Variants in TRIM2 observed in about 807,000 individuals in gnomAD.
TRIM2 encodes tripartite motif containing 2.
TRIM2 carries 20 observed loss-of-function variants against 75.2 expected under a neutral mutation model. The ratio of observed to expected loss-of-function variants is 0.27; its 90% confidence interval spans 0.19 to 0.39. TRIM2 has a LOEUF of 0.39. Ranked by LOEUF, TRIM2 falls within the 10% of genes least tolerant of loss-of-function variation. The probability of loss-of-function intolerance (pLI) is 1.00; values close to 1 mark genes in which losing one functional copy is unlikely to be tolerated. For synonymous variants in TRIM2, 373 were observed against 388.3 expected (o/e 0.96, Z 0.46); for missense variants, 660 against 990.8 (o/e 0.67, Z 4.48).
chr4:153,258,697 A>G (rs1752675343), intron 1 of TRIM2, among the ~76,000 whole-genome samples: 1 of 152,246 alleles, frequency 6.6e-6, no homozygotes. Flanking sequence ...TCTGGCTTAG[A>G]TCATGTTACA....
chr4:153,329,827 ACTCTGT>A (rs1323327686), intron 11 of TRIM2, among the ~76,000 whole-genome samples: 1 of 151,262 alleles, frequency 6.6e-6, no homozygotes, highest in East Asian at 1.9e-4. Context: ...ACAGAAGGAG[ACTCTGT>A]CTCAAAAAAT....
rs1579603191 is a variant in TRIM2 at position 153,211,814 on chromosome 4, A to G, written c.30+7254A>G. 4.6e-5 allele frequency among the ~76,000 whole-genome samples: 7 copies of G among 152,076 alleles called. No homozygotes were observed. The South Asian group carries it at 1.5e-3, about 32-fold the overall frequency. On this transcript the variant is annotated intron_variant, in intron 1 of 11. Transcript: ENST00000338700. Reference sequence around the variant, plus strand: ...TACAAATTCTTATATGACAATTTGAATCTCTGCTTGGATTTGTTTTATCCT... The same window carrying G: ...TACAAATTCTTATATGACAATTTGAGTCTCTGCTTGGATTTGTTTTATCCT...
chr4:153,171,897 A>G (rs1054667852), intron 1 of TRIM2, among the ~76,000 whole-genome samples: 3 of 137,828 alleles, frequency 2.2e-5, no homozygotes, highest in Non-Finnish European at 4.5e-5. Context: ...TTTGATTCAC[A>G]TGTCACTATG....
At chr4:153,314,826 T>C (rs1021373171) in intron 6 of TRIM2, among the ~76,000 whole-genome samples, 2 of 152,206 alleles carry the variant, frequency 1.3e-5, no homozygotes, top group African/African-American at 2.4e-5. Flanking sequence ...GTTTGTCAAA[T>C]GTACTGAAAG....
rs575662534 is a variant in TRIM2, at chr4:153,173,952, G to T, written c.-49+20682G>T. ...TGCAGTCTATCCTGGGTGACAAAGT[G>T]AGACTGTCTCAAAATATAAGAATAA... On this transcript the variant is annotated intron_variant, in intron 1 of 11. Coordinates refer to the TRIM2 transcript ENST00000437508. Among the ~76,000 whole-genome samples the T allele has an allele frequency of 2.1e-3, 312 of 152,118 alleles. 16 individuals are homozygous for T. The South Asian group carries it at 0.063, about 31-fold the overall frequency.
rs370266099 is a variant in TRIM2 at position 153,244,343 on chromosome 4, T to C, written c.31-25992T>C. 1.4e-3 allele frequency among the ~76,000 whole-genome samples: 45 copies of C among 31,868 alleles called. 4 individuals are homozygous for C. The highest frequency in any genetic ancestry group is 5.7e-3 in the African/African-American group (21 of 3,662). 20.9% of individuals were successfully genotyped at this position (31,868 alleles called of 152,430 possible). On this transcript the variant is annotated intron_variant, in intron 1 of 11. Coordinates refer to ENST00000338700, the MANE Select transcript of TRIM2 (RefSeq NM_015271.5). ...CCTCTTCTTCTTCTTCTTCTTCTTC[T>C]TCTTCTTCTTCCTCTTCTTCTTCTT...
Position 153,334,967 on chromosome 4 carries a change from TGGTGGGCA to T in TRIM2, c.*7_*14del. 1.9e-6 allele frequency: 3 copies of T among 1,611,772 alleles called. No homozygotes were observed. The highest frequency in any genetic ancestry group is 1.7e-6 in the Non-Finnish European group (2 of 1,178,530). ...CAAAGTCTATCGATACTTACAGTAA[TGGTGGGCA>T]GGTGGATACCCGCTTCCATGGTCTT... On this transcript the variant is annotated 3_prime_UTR_variant, in exon 12 of 12. Transcript: ENST00000338700.
intron 2 of TRIM2, among the ~76,000 whole-genome samples, chr4:153,275,362 T>C (rs1757778305): frequency 6.6e-6 from 1 of 152,236 alleles, no homozygotes; most frequent in Non-Finnish European, 1.5e-5. Context: ...TTCAAGCAAA[T>C]ATTTCCACTT....
chr4:153,241,412 G>A (rs969315046), intron 1 of TRIM2, among the ~76,000 whole-genome samples: 2 of 152,204 alleles, frequency 1.3e-5, no homozygotes, highest in South Asian at 2.1e-4. Context: ...CCCCCTCCCC[G>A]ATGGAGGTCA....
chr4:153,265,128 T>C (rs568126529), intron 1 of TRIM2, among the ~76,000 whole-genome samples: 85 of 151,922 alleles, frequency 5.6e-4, no homozygotes, highest in South Asian at 2.1e-3. Context: ...TAAAACAAAT[T>C]TTTTTCTTGC....
chr4:153,219,340 T>C (rs11725859), intron 1 of TRIM2, among the ~76,000 whole-genome samples: 104,245 of 151,590 alleles, frequency 0.69, 36,751 homozygotes, highest in East Asian at 0.88. Context: ...TTCTGATCCC[T>C]CAAATAATAC....
chr4:153,166,503 CCCT>C (rs1730328685), intron 1 of TRIM2, among the ~76,000 whole-genome samples: 1 of 83,992 alleles, frequency 1.2e-5, no homozygotes, highest in Admixed American at 1.1e-4. Context: ...TTCCCTCCCT[CCCT>C]CTTTTCTTTT....
intron 6 of TRIM2, among the ~76,000 whole-genome samples, chr4:153,315,256 G>C (rs1340860359): frequency 6.6e-6 from 1 of 152,182 alleles, no homozygotes; most frequent in Admixed American, 6.5e-5. Flanking sequence ...ATTAATAAGA[G>C]AAGATTGACA....
intron 6 of TRIM2, among the ~76,000 whole-genome samples, chr4:153,310,569 T>C (rs919511947): frequency 1.3e-5 from 2 of 152,214 alleles, no homozygotes; most frequent in African/African-American, 4.8e-5. Flanking sequence ...TCTTCCCAAG[T>C]ATATGCTAGT....
At chr4:153,310,115 A>G (rs538704330) in intron 6 of TRIM2, 18 of 152,212 alleles carry the variant, frequency 1.2e-4, no homozygotes, top group Non-Finnish European at 2.5e-4. Context: ...CTAGACTTGC[A>G]TCTGGAAAAA....
At chr4:153,273,925 G>A (rs1419425139) in intron 2 of TRIM2, among the ~76,000 whole-genome samples, 1 of 152,226 alleles carries the variant, frequency 6.6e-6, no homozygotes. Context: ...AGGTGCTATA[G>A]TGGGAGGTTG....
intron 2 of TRIM2, among the ~76,000 whole-genome samples, chr4:153,274,102 G>A (rs1197862138): frequency 6.6e-6 from 1 of 152,172 alleles, no homozygotes; most frequent in African/African-American, 2.4e-5. Context: ...ATGGATTTTT[G>A]TCTTTGTTGT....
chr4:153,302,532 G>A (rs910574091), intron 6 of TRIM2, among the ~76,000 whole-genome samples: 2 of 152,210 alleles, frequency 1.3e-5, no homozygotes, highest in East Asian at 1.9e-4. Context: ...ACTTACCCAG[G>A]TTGGCAGGCA....
intron 1 of TRIM2, among the ~76,000 whole-genome samples, chr4:153,193,938 T>C (rs988093687): frequency 1.3e-5 from 2 of 151,972 alleles, no homozygotes; most frequent in African/African-American, 4.8e-5. Context: ...AGAACAGGGA[T>C]GCGGGGCCCC....
Sources: allele counts gnomAD v4.1 joint callset (sites outside exome capture counted in the v4.1 genomes callset), GRCh38; gene constraint gnomAD v4.1.1; transcripts MANE v1.5; gene names NCBI Gene and HGNC (gene_info 2026-07-23, HGNC 2026-07-21).